Variants in METTL15 observed in about 807,000 individuals in gnomAD.
The protein encoded by METTL15 is 12S rRNA N(4)-cytidine methyltransferase METTL15.
Under a neutral mutation model 38.3 loss-of-function variants are expected in METTL15, and 34 were observed. That is an observed-to-expected ratio of 0.89 (90% CI 0.68 to 1.18). The LOEUF (loss-of-function observed/expected upper bound fraction) is 1.18, where lower values mean the gene tolerates loss of function less well. Ranked by LOEUF, METTL15 falls within the 50% of genes most tolerant of loss-of-function variation. The pLI, the probability that METTL15 is intolerant of heterozygous loss-of-function variation, is 0.00. For missense variants in METTL15, 438 were observed against 498.4 expected, an observed-to-expected ratio of 0.88 and a Z score of 1.15; for synonymous variants, 162 against 170.9, an observed-to-expected ratio of 0.95 and a Z score of 0.41.
At chr11:28,498,722 G>A (rs1327121358) in intron 6 of METTL15, among the ~76,000 whole-genome samples, 2 of 152,158 alleles carry the variant, frequency 1.3e-5, no homozygotes, top group Non-Finnish European at 2.9e-5. Flanking sequence ...TAATGTCTAT[G>A]AAATAGTTAT....
intron 4 of METTL15, among the ~76,000 whole-genome samples, chr11:28,237,459 C>T (rs913152324): frequency 1.4e-4 from 21 of 152,180 alleles, no homozygotes; most frequent in Non-Finnish European, 2.5e-4. Context: ...CCATCAGCTC[C>T]TTTAAGCACT....
At chr11:28,132,879 A>G (rs1849385374) in intron 3 of METTL15, among the ~76,000 whole-genome samples, 1 of 152,174 alleles carries the variant, frequency 6.6e-6, no homozygotes, top group Admixed American at 6.5e-5. Context: ...CTGAATTAAT[A>G]CTTACTTACA....
chr11:28,398,617 G>C (rs1003683423), intron 5 of METTL15, among the ~76,000 whole-genome samples: 1 of 152,128 alleles, frequency 6.6e-6, no homozygotes, highest in African/African-American at 2.4e-5. Context: ...CTCACATTCT[G>C]TAGGTTGCCT....
chr11:28,420,501 TTAAAA>T (rs1180153490), intron 5 of METTL15, among the ~76,000 whole-genome samples: 2 of 152,080 alleles, frequency 1.3e-5, no homozygotes, highest in Non-Finnish European at 2.9e-5. Context: ...TTCAAAAATG[TTAAAA>T]TAATATTAAG....
intron 3 of METTL15, among the ~76,000 whole-genome samples, chr11:28,208,197 A>T (rs957524290): frequency 6.6e-6 from 1 of 151,788 alleles, no homozygotes; most frequent in African/African-American, 2.4e-5. Flanking sequence ...TTTAATTGTG[A>T]TGTTAGGGTG....
At chr11:28,279,291 A>G (rs569965668) in intron 4 of METTL15, among the ~76,000 whole-genome samples, 116 of 152,266 alleles carry the variant, frequency 7.6e-4, no homozygotes, top group African/African-American at 2.4e-3. Flanking sequence ...TTTTGATACT[A>G]ACATTCGAAT....
At chr11:28,452,087 G>A (rs1851128032) in intron 6 of METTL15, among the ~76,000 whole-genome samples, 1 of 152,228 alleles carries the variant, frequency 6.6e-6, no homozygotes, top group African/African-American at 2.4e-5. Context: ...GACCCTGGTA[G>A]ACATATTCCA....
intron 3 of METTL15, among the ~76,000 whole-genome samples, chr11:28,203,763 G>A (rs1408618687): frequency 1.3e-5 from 2 of 151,988 alleles, no homozygotes; most frequent in Admixed American, 1.3e-4. Context: ...AGTTGTATTT[G>A]ATTAAAAAGA....
At chr11:28,204,702 A>G (rs1590153136) in intron 3 of METTL15, among the ~76,000 whole-genome samples, 2 of 151,880 alleles carry the variant, frequency 1.3e-5, no homozygotes, top group East Asian at 3.9e-4. Flanking sequence ...ATGTGTATAT[A>G]ACATCTAATG....
intron 4 of METTL15, among the ~76,000 whole-genome samples, chr11:28,357,880 G>A (rs768357024): frequency 1.2e-4 from 19 of 152,212 alleles, no homozygotes; most frequent in Admixed American, 3.3e-4. Context: ...AAAGAGCAAC[G>A]AGAGAAGAAC....
intron 3 of METTL15, among the ~76,000 whole-genome samples, chr11:28,131,967 A>G (rs1057112906): frequency 1.3e-5 from 2 of 152,198 alleles, no homozygotes; most frequent in Non-Finnish European, 2.9e-5. Context: ...AGAGTGATTA[A>G]AAAAATGATT....
chr11:28,369,411 A>T (rs181614424), intron 5 of METTL15, among the ~76,000 whole-genome samples: 1 of 152,224 alleles, frequency 6.6e-6, no homozygotes, highest in East Asian at 1.9e-4. Context: ...CTTCCCAAAT[A>T]TTCAAATATA....
At chr11:28,140,960 C>T (rs1849678861) in intron 3 of METTL15, among the ~76,000 whole-genome samples, 1 of 152,150 alleles carries the variant, frequency 6.6e-6, no homozygotes, top group Non-Finnish European at 1.5e-5. Flanking sequence ...TACTGTATGC[C>T]TGAAGCTGGC....
intron 3 of METTL15, among the ~76,000 whole-genome samples, chr11:28,146,902 G>C (rs1565123870): frequency 6.6e-6 from 1 of 151,610 alleles, no homozygotes. Flanking sequence ...GTTCATATTT[G>C]TTTAAAATAA....
chr11:28,337,907 ACT>A (rs1849916200), downstream of METTL15, among the ~76,000 whole-genome samples: 1 of 152,098 alleles, frequency 6.6e-6, no homozygotes, highest in Non-Finnish European at 1.5e-5. Flanking sequence ...CAATGCCTGT[ACT>A]TACAATTAGA....
At chr11:28,256,305 C>T (rs1461551508) in intron 4 of METTL15, among the ~76,000 whole-genome samples, 1 of 152,154 alleles carries the variant, frequency 6.6e-6, no homozygotes, top group African/African-American at 2.4e-5. Context: ...TGGCGGAATT[C>T]AGCAGTGAAG....
At chr11:28,163,291 T>G in intron 3 of METTL15, 1 of 397,468 alleles carries the variant, frequency 2.5e-6, no homozygotes, top group Non-Finnish European at 4.4e-6. Context: ...GAAAAAAAAG[T>G]ATGGCATAAA....
chr11:28,497,210 A>T (rs1425532492), intron 6 of METTL15, among the ~76,000 whole-genome samples: 1 of 152,206 alleles, frequency 6.6e-6, no homozygotes, highest in Admixed American at 6.5e-5. Flanking sequence ...TTAGCTTTGT[A>T]TCTACAAGAA....
intron 3 of METTL15, among the ~76,000 whole-genome samples, chr11:28,121,232 A>G (rs891309728): frequency 5.3e-5 from 8 of 152,140 alleles, no homozygotes; most frequent in African/African-American, 1.9e-4. Context: ...AATAAAGACA[A>G]TGTCTTTTTC....
Sources: gnomAD v4.1 joint callset for allele counts (sites outside exome capture counted in the v4.1 genomes callset) on GRCh38, gnomAD v4.1.1 for gene constraint, MANE v1.5 for transcripts, NCBI Gene and HGNC (gene_info 2026-07-23, HGNC 2026-07-21) for gene names.